PCSK5: variants seen among roughly 807,000 people sequenced by gnomAD.
PCSK5 encodes the protein proprotein convertase subtilisin/kexin type 5, also known as prohormone convertase 5.
A neutral mutation model predicts 233.2 loss-of-function variants in PCSK5; 129 were observed. The ratio of observed to expected loss-of-function variants is 0.55; its 90% CI spans 0.48 to 0.64. The LOEUF is 0.64. Among genes scored for constraint, PCSK5 ranks in the 30% least tolerant of loss-of-function variants. PCSK5 has a pLI of 0.00. For missense variants in PCSK5, 2,076 were observed against 2,430.1 expected (o/e 0.85, Z 3.06); for synonymous variants, 825 against 879.2 (o/e 0.94, Z 1.09).
intron 14 of PCSK5, 138 bp downstream of exon 14, chr9:76,175,267 G>GAATCA (rs1823541358): frequency 1.5e-6 from 1 of 674,262 alleles, no homozygotes; most frequent in South Asian, 1.9e-5. Flanking sequence ...GAATGGAATG[G>GAATCA]AATGGAATCG....
intron 2 of PCSK5, among the ~76,000 whole-genome samples, chr9:75,965,259 ATATGTG>A (rs748591337): frequency 5.3e-4 from 42 of 79,772 alleles, no homozygotes; most frequent in Non-Finnish European, 9.3e-4. Context: ...GTATGTGTGT[ATATGTG>A]TGTGTGTGTG....
chr9:76,001,819 A>G (rs1827274456), intron 3 of PCSK5, among the ~76,000 whole-genome samples: 1 of 152,186 alleles, frequency 6.6e-6, no homozygotes, highest in African/African-American at 2.4e-5. Context: ...GTCCAAGAAA[A>G]TGAAAGATTA....
In PCSK5 at chr9:76,202,642, C is replaced by T. The variant is rs192543384; in HGVS notation, c.2626+12896C>T. On this transcript the variant is annotated intron_variant, in intron 20 of 37. Coordinates refer to ENST00000674117, the MANE Select transcript of PCSK5 (RefSeq NM_001372043.1). ...CCCTAGAACACCCCCACACATCACTCCCCCTCCTTTAATGTTATCTCACCC... is the reference window on the plus strand; with the variant it reads ...CCCTAGAACACCCCCACACATCACTTCCCCTCCTTTAATGTTATCTCACCC... Among the ~76,000 whole-genome samples the T allele has an allele frequency of 1.8e-3, 281 of 152,206 alleles. 1 individual carries two copies. The highest frequency in any genetic ancestry group is 7.3e-3 in the South Asian group (35 of 4,822).
chr9:76,059,690 T>A (rs991965822), intron 5 of PCSK5, among the ~76,000 whole-genome samples: 9 of 152,070 alleles, frequency 5.9e-5, no homozygotes, highest in Admixed American at 1.3e-4. Flanking sequence ...AGAAAGGCAG[T>A]TTTCAGAGAG....
chr9:76,174,365 G>T (rs1379177338), intron 13 of PCSK5, among the ~76,000 whole-genome samples: 4 of 150,872 alleles, frequency 2.7e-5, no homozygotes, highest in African/African-American at 9.8e-5. Context: ...GGAGTGCAGT[G>T]GCGTGATCTC....
At chr9:76,189,464 A>G (rs1824260574) in intron 19 of PCSK5, among the ~76,000 whole-genome samples, 167 bp from the exon 20 acceptor site, 1 of 152,226 alleles carries the variant, frequency 6.6e-6, no homozygotes, top group African/African-American at 2.4e-5. Flanking sequence ...ACCCTTTAAA[A>G]TCACAGTGTC....
At chr9:76,336,547 C>T (rs1829683959) in intron 34 of PCSK5, among the ~76,000 whole-genome samples, 1 of 152,096 alleles carries the variant, frequency 6.6e-6, no homozygotes, top group Non-Finnish European at 1.5e-5. Context: ...CAGTTAAGCT[C>T]AAATCATATT....
intron 7 of PCSK5, among the ~76,000 whole-genome samples, chr9:76,079,870 A>T (rs932150951): frequency 1.3e-5 from 2 of 152,070 alleles, no homozygotes; most frequent in Non-Finnish European, 2.9e-5. Context: ...GGTTTTTATT[A>T]TGAAGGGATG....
In PCSK5 at chr9:76,266,865, CT is replaced by C. The variant is rs1827348619; in HGVS notation, c.3143-25365del. Among the ~76,000 whole-genome samples, 3 of 151,758 alleles carry C rather than the reference CT, an allele frequency of 2.0e-5. No homozygotes were observed. The Admixed American group carries it at 2.0e-4, about 10-fold the overall frequency. On this transcript the variant is annotated intron_variant, in intron 24 of 37. Transcript: ENST00000674117. ...GCCATTAGAAAGACTGGTAGATGCTCTTTCATTGAGACCCTTTGGACTAACA... is the reference window on the plus strand; with the variant it reads ...GCCATTAGAAAGACTGGTAGATGCTCTTCATTGAGACCCTTTGGACTAACA...
chr9:76,181,154 G>T (rs1338026995), intron 15 of PCSK5, among the ~76,000 whole-genome samples: 1 of 152,208 alleles, frequency 6.6e-6, no homozygotes, highest in Non-Finnish European at 1.5e-5. Flanking sequence ...AGAGCTAGGT[G>T]CAAACCAGGA....
chr9:76,117,906 G>C (rs1832489936), intron 9 of PCSK5, among the ~76,000 whole-genome samples: 1 of 152,072 alleles, frequency 6.6e-6, no homozygotes, highest in Non-Finnish European at 1.5e-5. Context: ...GAGTCTGCTT[G>C]TCATTTAGCT....
chr9:76,184,806 C>T (rs953154139), intron 17 of PCSK5, 49 bp downstream of exon 17: 23 of 1,089,334 alleles, frequency 2.1e-5, no homozygotes, highest in Non-Finnish European at 3.0e-5. Flanking sequence ...AAGAGCTTCT[C>T]AATGTAAATA....
intron 5 of PCSK5, among the ~76,000 whole-genome samples, chr9:76,042,649 C>G (rs567538880): frequency 1.3e-5 from 2 of 151,952 alleles, no homozygotes; most frequent in Non-Finnish European, 2.9e-5. Context: ...GAGTAAGACT[C>G]TTTGTTAAAA....
chr9:76,024,020 A>G, intron 4 of PCSK5, 139 bp downstream of exon 4: 1 of 621,530 alleles, frequency 1.6e-6, no homozygotes, highest in Non-Finnish European at 2.6e-6. Context: ...TCTCTGGTAA[A>G]AGATGAGAAT....
Position 76,170,552 on chromosome 9 carries a change from G to T in PCSK5, c.1756+712G>T, listed in dbSNP as rs1295611108. 2.6e-5 allele frequency among the ~76,000 whole-genome samples: 4 copies of T among 152,322 alleles called. No individual in the cohort carries two copies. The East Asian group carries it at 7.7e-4, about 29-fold the overall frequency. On this transcript the variant is annotated intron_variant, in intron 13 of 37. Coordinates refer to ENST00000674117, the MANE Select transcript of PCSK5 (RefSeq NM_001372043.1). The stretch of plus-strand genomic sequence containing the variant: ...GCCCATTACAGAGCCCTACAGAGTG[G>T]CTCAGCAGTGAATGATCTGTTTGAT...
intron 7 of PCSK5, among the ~76,000 whole-genome samples, chr9:76,093,565 T>A (rs915353581): frequency 6.8e-6 from 1 of 146,648 alleles, no homozygotes; most frequent in South Asian, 2.1e-4. Flanking sequence ...TGTCATAATT[T>A]TATATATATA....
At position 76,184,690 on chromosome 9, in the gene PCSK5, A is replaced by G; in HGVS notation, c.2215A>G (p.Lys739Glu). ...TTTAACAGAGAAAAATCTTTGCCGG[A>G]AATGCAGTGAAAACTGCAAGACATG... is the stretch of plus-strand genomic sequence containing the variant. ...YQDTKKNLCR[K>E]CSENCKTCTE... The change falls in exon 17 of 38, where the codon AAA (lysine) becomes GAA (glutamate). Residue 739 changes from lysine (K) to glutamate (E), a missense_variant. Lys to Glu is a moderately conservative substitution (Grantham distance 56). Transcript: ENST00000674117. 1 of 1,609,582 alleles carries G rather than the reference A, an allele frequency of 6.2e-7. No individual in the cohort carries two copies. Among genetic ancestry groups the G allele is most frequent in the South Asian group, 1.1e-5 (1 of 90,844 alleles).
intron 5 of PCSK5, among the ~76,000 whole-genome samples, chr9:76,053,316 G>T (rs762261367): frequency 6.6e-6 from 1 of 152,202 alleles, no homozygotes. Context: ...GCAAACTTTA[G>T]CCTGGACATC....
chr9:76,169,926 A>T, intron 13 of PCSK5, 86 bp downstream of exon 13: 1 of 1,055,544 alleles, frequency 9.5e-7, no homozygotes, highest in South Asian at 1.4e-5. Flanking sequence ...ACACTCACAT[A>T]TTAGCATCTT....
Sources: gnomAD v4.1 joint callset for allele counts (sites outside exome capture counted in the v4.1 genomes callset) on GRCh38, gnomAD v4.1.1 for gene constraint, MANE v1.5 for transcripts, NCBI Gene and HGNC (gene_info 2026-07-23, HGNC 2026-07-21) for gene names.